The following RANBP2 variants were observed in gnomAD, a reference collection of about 807,000 sequenced individuals.
RANBP2 encodes the protein RAN binding protein 2.
In RANBP2, 57 loss-of-function variants were observed where a neutral mutation model predicts 303.6. That is an observed-to-expected ratio of 0.19 (90% CI 0.15 to 0.23). The LOEUF is 0.23. Among genes scored for constraint, RANBP2 ranks in the 10% least tolerant of loss-of-function variants. The pLI is 1.00. For missense variants in RANBP2, 3,138 were observed against 3,780.8 expected, an observed-to-expected ratio of 0.83 and a Z score of 4.46; for synonymous variants, 1,167 against 1,301.5, an observed-to-expected ratio of 0.90 and a Z score of 2.23.
chr2:108,885,036 T>C, the RANBP2 span: 1 of 152,236 alleles, frequency 6.6e-6, no homozygotes, highest in Admixed American at 6.5e-5. Context: ...TTGCAGAGAA[T>C]TAATACTGAG....
chr2:109,612,340 AG>A, the RANBP2 span, among the ~76,000 whole-genome samples: 3 of 152,230 alleles, frequency 2.0e-5, no homozygotes, highest in Admixed American at 1.3e-4. Context: ...GGTTATAAAA[AG>A]GCATTAAGGG....
At chr2:109,209,893 C>T in the RANBP2 span, among the ~76,000 whole-genome samples, 3 of 152,226 alleles carry the variant, frequency 2.0e-5, no homozygotes, top group African/African-American at 4.8e-5. Context: ...GCATTAAGTA[C>T]GTCCCCCCTG....
the RANBP2 span, among the ~76,000 whole-genome samples, chr2:108,926,326 T>C: frequency 6.6e-6 from 1 of 152,290 alleles, no homozygotes; most frequent in African/African-American, 2.4e-5. Flanking sequence ...TCTACATAGG[T>C]TGATTCAGGT....
At chr2:109,163,359 G>A in the RANBP2 span, among the ~76,000 whole-genome samples, 2 of 139,144 alleles carry the variant, frequency 1.4e-5, no homozygotes, top group Admixed American at 1.4e-4. Context: ...GCGGACTGGA[G>A]TTCTCAATAG....
At chr2:109,155,193 T>C in the RANBP2 span, among the ~76,000 whole-genome samples, 1 of 152,250 alleles carries the variant, frequency 6.6e-6, no homozygotes, top group East Asian at 1.9e-4. Flanking sequence ...GCTATGCTGA[T>C]GTTCAGTGGT....
At chr2:109,343,415 A>C in the RANBP2 span, among the ~76,000 whole-genome samples, 1 of 151,224 alleles carries the variant, frequency 6.6e-6, no homozygotes, top group African/African-American at 2.4e-5. Context: ...AAAAAGGTTC[A>C]TTCCCCCTCT....
chr2:109,055,431 G>A, the RANBP2 span, among the ~76,000 whole-genome samples: 4 of 146,032 alleles, frequency 2.7e-5, no homozygotes, highest in African/African-American at 5.1e-5. Context: ...GCACAATCTC[G>A]GCTCATTGCA....
At chr2:109,459,364 A>G in the RANBP2 span, among the ~76,000 whole-genome samples, 1 of 152,156 alleles carries the variant, frequency 6.6e-6, no homozygotes, top group East Asian at 1.9e-4. Context: ...TCCAATCTGT[A>G]TTCCCCTTCC....
the RANBP2 span, among the ~76,000 whole-genome samples, chr2:109,012,045 T>G: frequency 6.6e-6 from 1 of 152,264 alleles, no homozygotes. Context: ...TTTGTTTCTG[T>G]GTTTCACATT....
the RANBP2 span, among the ~76,000 whole-genome samples, chr2:109,279,306 T>TG: frequency 1.3e-5 from 2 of 152,204 alleles, no homozygotes; most frequent in Non-Finnish European, 2.9e-5. Context: ...GCAAAGGGAT[T>TG]GCAGTGGCCA....
chr2:109,082,341 C>T, the RANBP2 span, among the ~76,000 whole-genome samples: 1 of 151,876 alleles, frequency 6.6e-6, no homozygotes, highest in African/African-American at 2.4e-5. Flanking sequence ...CTCTCTGTGG[C>T]CCAGGCTAGA....
At chr2:109,309,347 G>A in the RANBP2 span, among the ~76,000 whole-genome samples, 43,928 of 147,092 alleles carry the variant, frequency 0.3, 8,227 homozygotes, top group African/African-American at 0.53. Flanking sequence ...AGCTCCTGAA[G>A]GAAGCGCTAA....
At chr2:109,420,194 T>C in the RANBP2 span, among the ~76,000 whole-genome samples, 1 of 152,234 alleles carries the variant, frequency 6.6e-6, no homozygotes, top group Non-Finnish European at 1.5e-5. Flanking sequence ...ATTACAGCTC[T>C]TAACAGATAA....
chr2:109,304,056 G>C, the RANBP2 span, among the ~76,000 whole-genome samples: 1 of 151,220 alleles, frequency 6.6e-6, no homozygotes, highest in African/African-American at 2.4e-5. Context: ...AGCTGAGATC[G>C]CGCCATTGCA....
At chr2:109,767,288 T>C in the RANBP2 span, among the ~76,000 whole-genome samples, 8 of 149,682 alleles carry the variant, frequency 5.3e-5, no homozygotes, top group Non-Finnish European at 1.0e-4. Flanking sequence ...AACAGGACCC[T>C]GGGACGGTTT....
intron 1 of RANBP2, among the ~76,000 whole-genome samples, chr2:108,728,638 AT>A (rs2149095925): frequency 7.4e-6 from 1 of 134,954 alleles, no homozygotes; most frequent in East Asian, 2.4e-4. Flanking sequence ...GATGATGATG[AT>A]GTTTGGGAGA....
the RANBP2 span, among the ~76,000 whole-genome samples, chr2:109,155,600 C>T: frequency 7.9e-5 from 12 of 152,100 alleles, no homozygotes; most frequent in African/African-American, 2.7e-4. Flanking sequence ...CGTGCCTGGC[C>T]GGATCTTTGT....
At chr2:109,701,121 CTG>C in the RANBP2 span, among the ~76,000 whole-genome samples, 28 of 152,226 alleles carry the variant, frequency 1.8e-4, no homozygotes, top group African/African-American at 6.3e-4. Context: ...CTGGGAAGAT[CTG>C]TCCCCTTGTG....
At chr2:109,126,132 T>TC in the RANBP2 span, among the ~76,000 whole-genome samples, 1 of 152,212 alleles carries the variant, frequency 6.6e-6, no homozygotes, top group Non-Finnish European at 1.5e-5. Flanking sequence ...CTCACTGCAG[T>TC]CCCCACCAGG....
Sources: gnomAD v4.1 joint callset for allele counts (sites outside exome capture counted in the v4.1 genomes callset) on GRCh38, gnomAD v4.1.1 for gene constraint, MANE v1.5 for transcripts, NCBI Gene and HGNC (gene_info 2026-07-23, HGNC 2026-07-21) for gene names.